MAGI1: variants seen among roughly 807,000 people sequenced by gnomAD.
The protein encoded by MAGI1 is membrane-associated guanylate kinase, WW and PDZ domain-containing protein 1.
In MAGI1, 58 loss-of-function variants were observed where a neutral mutation model predicts 139.9. That is an observed-to-expected ratio of 0.41 (90% CI 0.34 to 0.52). MAGI1 has a LOEUF of 0.52. Among genes scored for constraint, MAGI1 ranks in the 20% least tolerant of loss-of-function variants. MAGI1 has a pLI of 0.12. For missense variants in MAGI1, 1,874 were observed against 1,901.6 expected (o/e 0.99, Z 0.27); for synonymous variants, 812 against 737.9 (o/e 1.10, Z -1.63).
chr3:65,563,851 T>C (rs1009208118), intron 2 of MAGI1, among the ~76,000 whole-genome samples: 19 of 152,230 alleles, frequency 1.2e-4, no homozygotes, highest in African/African-American at 4.3e-4. Context: ...GACTGCTTAC[T>C]TGTATGAGAC....
intron 18 of MAGI1, among the ~76,000 whole-genome samples, chr3:65,374,195 C>T (rs1179307446): frequency 6.6e-6 from 1 of 151,742 alleles, no homozygotes; most frequent in African/African-American, 2.4e-5. Context: ...GACATTTAAA[C>T]ATTTTGGGAC....
chr3:65,395,636 C>CAAAAAAAAAAAAAAAAAAAAAAAAAAAA lies in MAGI1; in HGVS notation c.2200-4279_2200-4278insTTTTTTTTTTTTTTTTTTTTTTTTTTTT, dbSNP rs58806140. 3.0e-3 allele frequency among the ~76,000 whole-genome samples: 58 copies of CAAAAAAAAAAAAAAAAAAAAAAAAAAAA among 19,174 alleles called. 10 individuals are homozygous for CAAAAAAAAAAAAAAAAAAAAAAAAAAAA. Among genetic ancestry groups the CAAAAAAAAAAAAAAAAAAAAAAAAAAAA allele is most frequent in the Non-Finnish European group, 3.6e-3 (34 of 9,458 alleles). 12.6% of individuals were successfully genotyped at this position (19,174 alleles called of 152,430 possible). ...TGGGTGACAGAGCGAGACTCCATCT[C>CAAAAAAAAAAAAAAAAAAAAAAAAAAAA]AAAAAAAAAAAAAAAAAAAAAGAGG... On this transcript the variant is annotated intron_variant, in intron 13 of 22. Coordinates refer to ENST00000402939, the MANE Select transcript of MAGI1 (RefSeq NM_001033057.2).
At chr3:65,990,442 A>G (rs2066112628) in intron 1 of MAGI1, among the ~76,000 whole-genome samples, 1 of 151,968 alleles carries the variant, frequency 6.6e-6, no homozygotes, top group African/African-American at 2.4e-5. Flanking sequence ...GGTAAGGGAG[A>G]CTCTCCTTGT....
intron 1 of MAGI1, among the ~76,000 whole-genome samples, chr3:65,737,782 C>T (rs1317406415): frequency 6.6e-6 from 1 of 152,138 alleles, no homozygotes; most frequent in Non-Finnish European, 1.5e-5. Flanking sequence ...ACTTTATCAA[C>T]ATTACTCTAC....
intron 2 of MAGI1, among the ~76,000 whole-genome samples, chr3:65,606,889 C>G (rs1377148135): frequency 1.3e-5 from 2 of 152,056 alleles, no homozygotes; most frequent in Non-Finnish European, 2.9e-5. Flanking sequence ...AACTCCTGAG[C>G]TCAATCAATC....
intron 1 of MAGI1, among the ~76,000 whole-genome samples, chr3:65,870,064 T>A (rs1411319926): frequency 6.6e-6 from 1 of 152,238 alleles, no homozygotes; most frequent in Admixed American, 6.5e-5. Context: ...CTTCATTAAA[T>A]GCATTTCCTC....
chr3:65,455,793 T>C (rs981104801), intron 5 of MAGI1, among the ~76,000 whole-genome samples: 4 of 152,154 alleles, frequency 2.6e-5, no homozygotes, highest in African/African-American at 9.7e-5. Flanking sequence ...ATGGAATCAT[T>C]GTATGTCTTA....
intron 18 of MAGI1, among the ~76,000 whole-genome samples, chr3:65,368,820 C>CT (rs1941695112): frequency 6.6e-6 from 1 of 152,152 alleles, no homozygotes; most frequent in Non-Finnish European, 1.5e-5. Flanking sequence ...TCAGAGTGAT[C>CT]TGAAGTGCAA....
chr3:65,525,206 G>C (rs775319097), intron 2 of MAGI1, among the ~76,000 whole-genome samples: 1 of 152,072 alleles, frequency 6.6e-6, no homozygotes, highest in Non-Finnish European at 1.5e-5. Flanking sequence ...CCACTGCACC[G>C]ATGTCAAAGC....
At chr3:65,947,970 C>T (rs1203337346) in intron 1 of MAGI1, among the ~76,000 whole-genome samples, 3 of 128,730 alleles carry the variant, frequency 2.3e-5, no homozygotes, top group Non-Finnish European at 4.7e-5. Context: ...GAGACAGAGT[C>T]TCACTCTGTC....
At chr3:65,523,876 C>G (rs1035664560) in intron 2 of MAGI1, among the ~76,000 whole-genome samples, 3 of 152,068 alleles carry the variant, frequency 2.0e-5, no homozygotes, top group Non-Finnish European at 4.4e-5. Context: ...GAGTAAGAAG[C>G]CTGAGAGTGC....
At chr3:65,806,007 T>A (rs2040831922) in intron 1 of MAGI1, among the ~76,000 whole-genome samples, 1 of 152,156 alleles carries the variant, frequency 6.6e-6, no homozygotes, top group Admixed American at 6.5e-5. Context: ...ACCTATGTGA[T>A]AGGTTCATAA....
At chr3:65,427,271 C>G (rs367618244) in intron 12 of MAGI1, among the ~76,000 whole-genome samples, 4 of 152,118 alleles carry the variant, frequency 2.6e-5, no homozygotes, top group Admixed American at 6.6e-5. Flanking sequence ...GAGATGGCAC[C>G]ACTGCACTCC....
At chr3:65,963,090 G>A (rs1164234653) in intron 1 of MAGI1, among the ~76,000 whole-genome samples, 4 of 151,344 alleles carry the variant, frequency 2.6e-5, no homozygotes, top group Middle Eastern at 3.4e-3. Context: ...TAGCACTTTG[G>A]GAGGCCAAGG....
chr3:65,566,318 T>A (rs555810941), intron 2 of MAGI1, among the ~76,000 whole-genome samples: 52 of 152,316 alleles, frequency 3.4e-4, no homozygotes, highest in African/African-American at 1.1e-3. Context: ...CACATGTCAC[T>A]TATCTACATA....
rs186541482 is a variant in MAGI1 at position 65,528,133 on chromosome 3, A to G, written c.431-34502T>C. ...TCCTTGCTCCACTGCTATCATTTAC[A>G]TCAAGAAAAAAACTGAAACACCTTG... On this transcript the variant is annotated intron_variant, in intron 2 of 22. Transcript: ENST00000402939. Among the ~76,000 whole-genome samples the G allele has an allele frequency of 2.4e-3, 364 of 152,310 alleles. 1 individual carries two copies. The highest frequency in any genetic ancestry group is 3.6e-3 in the Non-Finnish European group (248 of 68,026).
chr3:65,994,753 C>T (rs78960624), intron 1 of MAGI1, among the ~76,000 whole-genome samples: 9,361 of 152,220 alleles, frequency 0.061, 317 homozygotes, highest in East Asian at 0.084. Context: ...ATCACTTCTA[C>T]CACACTCTTA....
chr3:65,957,597 T>G (rs944370194), intron 1 of MAGI1, among the ~76,000 whole-genome samples: 1 of 148,050 alleles, frequency 6.8e-6, no homozygotes, highest in Non-Finnish European at 1.5e-5. Flanking sequence ...CTCAATACAA[T>G]GTTGAGGAAA....
chr3:65,830,285 G>A (rs2042453125), intron 1 of MAGI1, among the ~76,000 whole-genome samples: 3 of 151,502 alleles, frequency 2.0e-5, no homozygotes, highest in Admixed American at 2.0e-4. Context: ...TTTGTGTAAT[G>A]CTAAAACCAC....
Sources: gnomAD v4.1 joint callset for allele counts (sites outside exome capture counted in the v4.1 genomes callset) on GRCh38, gnomAD v4.1.1 for gene constraint, MANE v1.5 for transcripts, NCBI Gene and HGNC (gene_info 2026-07-23, HGNC 2026-07-21) for gene names.